Variants in CNTNAP3B observed in about 807,000 individuals in gnomAD.
The protein encoded by CNTNAP3B is contactin-associated protein-like 3B.
In CNTNAP3B, 25 loss-of-function variants were observed where a neutral mutation model predicts 108.9. That is an observed-to-expected ratio of 0.23 (90% CI 0.17 to 0.32). The LOEUF is 0.32. CNTNAP3B is among the 10% of genes least tolerant of loss of function. The pLI is 1.00. For missense variants in CNTNAP3B, 252 were observed against 1,210.4 expected, an observed-to-expected ratio of 0.21 and a Z score of 11.75; for synonymous variants, 103 against 473.4, an observed-to-expected ratio of 0.22 and a Z score of 10.16.
intron 18 of CNTNAP3B, among the ~76,000 whole-genome samples, chr9:41,915,759 C>G (rs1046855505): frequency 7.0e-6 from 1 of 143,288 alleles, no homozygotes; most frequent in Non-Finnish European, 1.5e-5. Flanking sequence ...TTTTTCCCCT[C>G]TCATTCTATT....
rs777078123 is a variant in CNTNAP3B, at chr9:41,953,280, C to T, written c.1983G>A (p.Ala661=). Residue 661 remains alanine (A), a synonymous_variant, in exon 13 of 24, where the codon GCG becomes GCA. Coordinates refer to ENST00000377561, the MANE Select transcript of CNTNAP3B (RefSeq NM_001201380.3). ...CCGCGGCCCGCAGCTGCCCCGCGCC[C>T]GCTGCGTACGCGAAGGACACAGCCG... ...PLSAVSFAYA[A]GAGQLRAAVN... 32 of 1,528,158 alleles carry T rather than the reference C, an allele frequency of 2.1e-5. No individual in the cohort carries two copies. Among genetic ancestry groups the T allele is most frequent in the East Asian group, 7.4e-5 (3 of 40,470 alleles). The allele number at this position is 1,528,158 out of a possible 1,614,324, so 94.7% of individuals were successfully genotyped here.
chr9:42,113,933 C>T lies in CNTNAP3B; in HGVS notation c.86-9194G>A, dbSNP rs1482232016. ...ATCGATATATACACCTACTATGCAACCACAAAATTAAAAACTAAAAAAATT... is the reference window on the plus strand; with the variant it reads ...ATCGATATATACACCTACTATGCAATCACAAAATTAAAAACTAAAAAAATT... On this transcript the variant is annotated intron_variant, in intron 1 of 23. Coordinates refer to ENST00000377561, the MANE Select transcript of CNTNAP3B (RefSeq NM_001201380.3). Among the ~76,000 whole-genome samples the T allele has an allele frequency of 1.5e-5, 2 of 136,488 alleles. 1 individual carries two copies. Among genetic ancestry groups the T allele is most frequent in the African/African-American group, 5.8e-5 (2 of 34,204 alleles). The allele number at this position is 136,488 out of a possible 152,430, so 89.5% of individuals were successfully genotyped here. A position where few individuals can be genotyped will look rare whatever the true frequency, so the allele number is the denominator to read the frequency against.
At chr9:42,089,849 C>T (rs1435867848) in intron 2 of CNTNAP3B, among the ~76,000 whole-genome samples, 3 of 140,230 alleles carry the variant, frequency 2.1e-5, no homozygotes, top group South Asian at 2.3e-4. Flanking sequence ...CATACACCAA[C>T]GTTAATTTCC....
intron 13 of CNTNAP3B, among the ~76,000 whole-genome samples, chr9:41,952,232 G>A (rs1332501232): frequency 1.3e-5 from 2 of 152,164 alleles, no homozygotes; most frequent in East Asian, 3.9e-4. Flanking sequence ...AAATTTAAGA[G>A]TGAAATTTAA....
chr9:41,968,861 T>C (rs28715519), intron 10 of CNTNAP3B, among the ~76,000 whole-genome samples: 256 of 149,298 alleles, frequency 1.7e-3, no homozygotes, highest in African/African-American at 6.0e-3. Context: ...GCAGTGGCAC[T>C]ATCTCATTCA....
intron 3 of CNTNAP3B, among the ~76,000 whole-genome samples, chr9:42,029,744 T>G (rs1342937801): frequency 8.7e-6 from 1 of 115,318 alleles, no homozygotes; most frequent in African/African-American, 3.7e-5. Context: ...TTGGCCAGGC[T>G]GGTCTTGAAC....
intron 10 of CNTNAP3B, among the ~76,000 whole-genome samples, chr9:41,964,857 C>A (rs1371265587): frequency 1.2e-4 from 19 of 152,386 alleles, no homozygotes; most frequent in African/African-American, 4.1e-4. Flanking sequence ...GTTTCTGTGA[C>A]AGCTGAATTT....
intron 3 of CNTNAP3B, among the ~76,000 whole-genome samples, chr9:42,062,416 G>A (rs1473955455): frequency 1.6e-5 from 1 of 63,850 alleles, no homozygotes; most frequent in Non-Finnish European, 3.0e-5. Flanking sequence ...TCTGGTATAA[G>A]TACAGCTACT....
chr9:41,940,817 A>G (rs1259255099), intron 13 of CNTNAP3B, among the ~76,000 whole-genome samples: 4 of 152,300 alleles, frequency 2.6e-5, no homozygotes, highest in Non-Finnish European at 5.9e-5. Context: ...TCCATCTCCA[A>G]AACAATAACA....
intron 18 of CNTNAP3B, among the ~76,000 whole-genome samples, chr9:41,917,131 TTCTC>T (rs1457853212): frequency 7.1e-4 from 108 of 152,372 alleles, no homozygotes; most frequent in African/African-American, 2.5e-3. Context: ...TTCTGATCCT[TTCTC>T]TCTCTCCTGG....
At chr9:42,117,077 G>A in intron 1 of CNTNAP3B, among the ~76,000 whole-genome samples, 1 of 138,700 alleles carries the variant, frequency 7.2e-6, no homozygotes, top group Middle Eastern at 3.4e-3. Context: ...ATAATAATGG[G>A]AGATTTTAAC....
At chr9:42,096,178 G>A (rs1827895928) in intron 2 of CNTNAP3B, among the ~76,000 whole-genome samples, 1 of 139,242 alleles carries the variant, frequency 7.2e-6, no homozygotes, top group Non-Finnish European at 1.5e-5. Context: ...TTGGAGACTG[G>A]CGTTCTCCTT....
chr9:41,954,553 G>A (rs1443566622), intron 12 of CNTNAP3B, among the ~76,000 whole-genome samples: 1 of 152,284 alleles, frequency 6.6e-6, no homozygotes, highest in Admixed American at 6.5e-5. Context: ...AATAACGAAT[G>A]CAATTTTAAA....
intron 1 of CNTNAP3B, among the ~76,000 whole-genome samples, chr9:42,114,039 G>T (rs1828258773): frequency 8.1e-6 from 1 of 122,960 alleles, no homozygotes; most frequent in South Asian, 2.8e-4. Flanking sequence ...GTATGAGAAG[G>T]ATATGGCTTC....
At position 41,929,537 on chromosome 9, in the gene CNTNAP3B, C is replaced by A; in HGVS notation, c.2238-93G>T. On this transcript the variant is annotated intron_variant, in intron 14 of 23. Transcript: ENST00000377561. ...TCTTATCTCAATTTGAAACTAACAT[C>A]ATAGAGCTTAACAGAATACTTAACA... 6 of 1,463,136 alleles carry A rather than the reference C, an allele frequency of 4.1e-6. 1 individual carries two copies. The South Asian group carries it at 7.5e-5, about 18-fold the overall frequency. 90.6% of individuals were successfully genotyped at this position (1,463,136 alleles called of 1,614,324 possible).
intron 14 of CNTNAP3B, among the ~76,000 whole-genome samples, chr9:41,937,114 T>TTATTATTATTATTATTATTA (rs1554739561): frequency 2.1e-5 from 3 of 141,434 alleles, no homozygotes; most frequent in Non-Finnish European, 3.1e-5. Context: ...TATTTATTAA[T>TTATTATTATTATTATTATTA]TTATTATTAT....
intron 1 of CNTNAP3B, among the ~76,000 whole-genome samples, chr9:42,113,382 C>T (rs1223903838): frequency 1.4e-5 from 2 of 139,270 alleles, no homozygotes; most frequent in African/African-American, 5.7e-5. Flanking sequence ...GTGATAAATT[C>T]AATACCTATT....
At chr9:41,930,692 T>C (rs946101532) in intron 14 of CNTNAP3B, among the ~76,000 whole-genome samples, 1 of 152,294 alleles carries the variant, frequency 6.6e-6, no homozygotes, top group Admixed American at 6.5e-5. Context: ...ATACCATGAG[T>C]ATTAATTATG....
At chr9:42,037,125 A>G (rs1826648088) in intron 3 of CNTNAP3B, among the ~76,000 whole-genome samples, 1 of 147,874 alleles carries the variant, frequency 6.8e-6, no homozygotes, top group Middle Eastern at 3.4e-3. Flanking sequence ...TGAAAATTCT[A>G]AAAATCAGAG....
Sources: gnomAD v4.1 joint callset for allele counts (sites outside exome capture counted in the v4.1 genomes callset) on GRCh38, gnomAD v4.1.1 for gene constraint, MANE v1.5 for transcripts, NCBI Gene and HGNC (gene_info 2026-07-23, HGNC 2026-07-21) for gene names.